HMCN1: variants seen among roughly 807,000 people sequenced by gnomAD.
HMCN1 encodes the protein hemicentin-1.
Under a neutral mutation model 625.9 loss-of-function variants are expected in HMCN1, and 321 were observed. The ratio of observed to expected loss-of-function variants is 0.51; its 90% confidence interval spans 0.47 to 0.56. The LOEUF (loss-of-function observed/expected upper bound fraction) is 0.56. Ranked by LOEUF, HMCN1 falls within the 20% of genes least tolerant of loss-of-function variation. HMCN1 has a pLI of 0.00. For synonymous variants in HMCN1, 2,425 were observed against 2,417.6 expected, an observed-to-expected ratio of 1.00 and a Z score of -0.09; for missense variants, 6,588 against 6,887.3, an observed-to-expected ratio of 0.96 and a Z score of 1.54.
At position 185,922,507 on chromosome 1, in the gene HMCN1, T is replaced by C. The variant is rs199547255; in HGVS notation, c.1021+8T>C. ...TCAGCAGACCAGTGCAAGGTTTGTA[T>C]GTGCATATTATTTAAATTGACATAA... On this transcript the variant is annotated splice_region_variant and intron_variant, in intron 7 of 106. Transcript: ENST00000271588. 418 of 1,604,024 alleles carry C rather than the reference T, an allele frequency of 2.6e-4. 1 individual carries two copies. Among genetic ancestry groups the C allele is most frequent in the Middle Eastern group, 1.6e-4 (1 of 6,062 alleles).
chr1:185,996,379 G>A (rs1320958575), intron 24 of HMCN1, among the ~76,000 whole-genome samples: 1 of 152,104 alleles, frequency 6.6e-6, no homozygotes, highest in African/African-American at 2.4e-5. Context: ...ATCAGTGAAG[G>A]CCAGCTGGCT....
intron 68 of HMCN1, among the ~76,000 whole-genome samples, chr1:186,096,251 G>A (rs1156958626): frequency 6.6e-6 from 1 of 151,702 alleles, no homozygotes; most frequent in Non-Finnish European, 1.5e-5. Context: ...ATGTTTCAGC[G>A]TGTGTTATAA....
At chr1:185,816,925 C>T (rs1659880172) in intron 1 of HMCN1, among the ~76,000 whole-genome samples, 1 of 152,196 alleles carries the variant, frequency 6.6e-6, no homozygotes, top group Non-Finnish European at 1.5e-5. Flanking sequence ...AGGCCTCTCT[C>T]CATATCCCAG....
intron 65 of HMCN1, 35 bp downstream of exon 65, chr1:186,093,293 T>C (rs940764119): frequency 4.3e-6 from 7 of 1,612,834 alleles, no homozygotes; most frequent in Non-Finnish European, 1.7e-6. Context: ...TTGATGATGC[T>C]GCCTTAAGAA....
intron 4 of HMCN1, among the ~76,000 whole-genome samples, chr1:185,868,528 T>G (rs1242193862): frequency 6.6e-6 from 1 of 152,148 alleles, no homozygotes; most frequent in East Asian, 1.9e-4. Flanking sequence ...CCTGCTTCAC[T>G]CAGCCCTTCT....
chr1:185,788,226 G>A (rs1657757461), intron 1 of HMCN1, among the ~76,000 whole-genome samples: 1 of 152,164 alleles, frequency 6.6e-6, no homozygotes, highest in Non-Finnish European at 1.5e-5. Flanking sequence ...ACACAAAGAG[G>A]ACATAGCTTC....
At chr1:186,089,403 T>C (rs1294849651) in intron 63 of HMCN1, among the ~76,000 whole-genome samples, 1 of 152,020 alleles carries the variant, frequency 6.6e-6, no homozygotes, top group Non-Finnish European at 1.5e-5. Flanking sequence ...AGGGAAAGAA[T>C]TTCTCATAAA....
At chr1:185,938,043 T>C (rs573081178) in intron 11 of HMCN1, among the ~76,000 whole-genome samples, 20 of 151,822 alleles carry the variant, frequency 1.3e-4, no homozygotes, top group African/African-American at 4.8e-4. Flanking sequence ...TAAAAAATCA[T>C]GGATGTGGTG....
intron 6 of HMCN1, among the ~76,000 whole-genome samples, chr1:185,916,499 C>T (rs41451049): frequency 0.054 from 8,236 of 152,160 alleles, 336 homozygotes; most frequent in Middle Eastern, 0.12. Flanking sequence ...AAAATGTTGA[C>T]GCATGAATTC....
At chr1:186,121,795 T>C (rs1382598036) in intron 80 of HMCN1, among the ~76,000 whole-genome samples, 1 of 152,092 alleles carries the variant, frequency 6.6e-6, no homozygotes, top group Non-Finnish European at 1.5e-5. Flanking sequence ...GGAAAGAGAA[T>C]GTGTACAGAA....
At chr1:186,015,502 G>T in intron 31 of HMCN1, 65 bp downstream of exon 31, 1 of 1,462,464 alleles carries the variant, frequency 6.8e-7, no homozygotes, top group Non-Finnish European at 9.6e-7. Context: ...GGCAAATATC[G>T]AATTTATTCA....
chr1:186,110,711 G>T (rs1050690074), intron 71 of HMCN1, among the ~76,000 whole-genome samples: 4 of 152,102 alleles, frequency 2.6e-5, no homozygotes, highest in African/African-American at 9.7e-5. Context: ...CGTTATGTTG[G>T]ATAGGGGAGG....
chr1:185,841,217 A>C (rs1402276129), intron 1 of HMCN1, among the ~76,000 whole-genome samples: 1 of 152,240 alleles, frequency 6.6e-6, no homozygotes, highest in Admixed American at 6.5e-5. Flanking sequence ...TGAAAAGAGA[A>C]AAGAGTTCCT....
chr1:185,893,045 A>G (rs1301450847), intron 4 of HMCN1, among the ~76,000 whole-genome samples: 1 of 152,204 alleles, frequency 6.6e-6, no homozygotes, highest in East Asian at 1.9e-4. Flanking sequence ...GGAAAAGCGC[A>G]GTATTCGGGT....
At chr1:185,768,547 A>C (rs1048578714) in intron 1 of HMCN1, among the ~76,000 whole-genome samples, 4 of 152,348 alleles carry the variant, frequency 2.6e-5, no homozygotes, top group Middle Eastern at 3.4e-3. Context: ...ATGAGTAAAC[A>C]AATACACTTA....
chr1:186,027,578 C>T (rs894957845), intron 36 of HMCN1, among the ~76,000 whole-genome samples: 6 of 152,112 alleles, frequency 3.9e-5, no homozygotes, highest in Admixed American at 2.0e-4. Flanking sequence ...AGAGAGTATA[C>T]CACAGTTATG....
intron 97 of HMCN1, among the ~76,000 whole-genome samples, chr1:186,155,063 G>T (rs1332949418): frequency 6.6e-6 from 1 of 152,150 alleles, no homozygotes; most frequent in Non-Finnish European, 1.5e-5. Context: ...TTTGCTGTGT[G>T]CCAGCTTTCC....
intron 81 of HMCN1, 144 bp downstream of exon 81, chr1:186,123,364 C>A: frequency 1.0e-6 from 1 of 952,830 alleles, no homozygotes; most frequent in Non-Finnish European, 1.6e-6. Context: ...TGTAGGTGCA[C>A]TTCAAATCTG....
intron 36 of HMCN1, among the ~76,000 whole-genome samples, chr1:186,037,571 C>T (rs1440685377): frequency 6.6e-6 from 1 of 152,064 alleles, no homozygotes; most frequent in Non-Finnish European, 1.5e-5. Flanking sequence ...TTCTTCTTCA[C>T]TGGAAGAATT....
Sources: allele counts gnomAD v4.1 joint callset (sites outside exome capture counted in the v4.1 genomes callset), GRCh38; gene constraint gnomAD v4.1.1; transcripts MANE v1.5; gene names NCBI Gene and HGNC (gene_info 2026-07-23, HGNC 2026-07-21).